Variants in ANOS1 observed in about 807,000 individuals in gnomAD.
ANOS1 encodes the protein anosmin 1, also known as anosmin-1.
Under a neutral mutation model 59.0 loss-of-function variants are expected in ANOS1, and 6 were observed. That is an observed-to-expected ratio of 0.10 (90% CI 0.06 to 0.20). The LOEUF is 0.20. Ranked by LOEUF, ANOS1 falls within the 10% of genes least tolerant of loss-of-function variation. ANOS1 has a pLI of 1.00. For missense variants in ANOS1, 433 were observed against 542.3 expected (o/e 0.80, Z 2.00); for synonymous variants, 217 against 223.4 (o/e 0.97, Z 0.25).
At chrX:8,673,592 G>A (rs1163353942) in intron 2 of ANOS1, among the ~76,000 whole-genome samples, 2 of 110,153 alleles carry the variant, frequency 1.8e-5, no homozygotes, top group Non-Finnish European at 3.8e-5. Context: ...GGGCAGCAGT[G>A]CAGTTCTGAA....
intron 2 of ANOS1, among the ~76,000 whole-genome samples, chrX:8,686,076 G>A (rs185761760): frequency 4.5e-5 from 5 of 111,939 alleles, no homozygotes; most frequent in South Asian, 3.7e-4. Flanking sequence ...CTCAGTTACA[G>A]CCATTACCTA....
intron 1 of ANOS1, among the ~76,000 whole-genome samples, chrX:8,712,423 T>C (rs1298456731): frequency 2.7e-5 from 3 of 112,284 alleles, no homozygotes; most frequent in African/African-American, 9.7e-5. Flanking sequence ...CATCAACATA[T>C]GGAGTTAGAG....
chrX:8,591,280 C>T (rs1002970411), intron 4 of ANOS1, among the ~76,000 whole-genome samples: 1 of 111,035 alleles, frequency 9.0e-6, no homozygotes, highest in African/African-American at 3.3e-5. Flanking sequence ...GGAGAGTAGC[C>T]GCAGAGAACA....
intron 6 of ANOS1, among the ~76,000 whole-genome samples, chrX:8,581,549 C>T (rs1226987031): frequency 8.9e-6 from 1 of 111,802 alleles, no homozygotes; most frequent in Non-Finnish European, 1.9e-5. Flanking sequence ...GCACTGAATT[C>T]ATAGTAGATT....
At chrX:8,663,243 C>G (rs1383437067) in intron 2 of ANOS1, among the ~76,000 whole-genome samples, 4 of 111,201 alleles carry the variant, frequency 3.6e-5, no homozygotes, top group Non-Finnish European at 7.5e-5. Flanking sequence ...ATCACAGCAG[C>G]CTGAGCAAAC....
intron 9 of ANOS1, among the ~76,000 whole-genome samples, chrX:8,540,339 C>T (rs936074690): frequency 1.8e-5 from 2 of 111,442 alleles, no homozygotes; most frequent in Non-Finnish European, 1.9e-5. Flanking sequence ...AGGATAGGGA[C>T]GTATGCTTCC....
chrX:8,539,559 T>C (rs1479838236), intron 10 of ANOS1, 105 bp downstream of exon 10: 1 of 1,146,960 alleles, frequency 8.7e-7, no homozygotes, highest in East Asian at 3.1e-5. Context: ...CATTACTCCA[T>C]AGCTGATTTG....
At chrX:8,585,188 A>G in intron 6 of ANOS1, 79 bp downstream of exon 6, 3 of 1,040,853 alleles carry the variant, frequency 2.9e-6, no homozygotes, top group South Asian at 1.9e-5. Flanking sequence ...ATATGAACAT[A>G]GAGACAGTGA....
chrX:8,710,659 T>C (rs1441332505), intron 1 of ANOS1, among the ~76,000 whole-genome samples: 1 of 112,105 alleles, frequency 8.9e-6, no homozygotes, highest in African/African-American at 3.2e-5. Flanking sequence ...GGTTACAGTG[T>C]CCCTGTAACA....
At chrX:8,649,948 T>A (rs1180342423) in intron 2 of ANOS1, among the ~76,000 whole-genome samples, 1 of 112,648 alleles carries the variant, frequency 8.9e-6, no homozygotes, top group Non-Finnish European at 1.9e-5. Context: ...TTTGCAAAAT[T>A]AACCTATTTT....
chrX:8,613,873 G>A (rs1931112024), intron 3 of ANOS1, among the ~76,000 whole-genome samples: 1 of 112,233 alleles, frequency 8.9e-6, no homozygotes. Context: ...GCTACTCAAA[G>A]GCTAGGCCTT....
At chrX:8,726,718 T>C (rs748837096) in intron 1 of ANOS1, among the ~76,000 whole-genome samples, 1 of 112,166 alleles carries the variant, frequency 8.9e-6, no homozygotes, top group African/African-American at 3.2e-5. Context: ...ACCTGTGCCA[T>C]CATGGGCAGA....
chrX:8,531,563 G>A lies in ANOS1; in HGVS notation c.*1432C>T, dbSNP rs2146783990. On this transcript the variant is annotated 3_prime_UTR_variant, in exon 14 of 14. Coordinates refer to ENST00000262648, the MANE Select transcript of ANOS1 (RefSeq NM_000216.4). ...CTTTTCTCAGAATCAGCATTGATGG[G>A]GAAAATATATTATCCTTATGACCTT... The A allele has an allele frequency of 9.0e-6, 1 of 111,382 alleles. No individual in the cohort carries two copies. Among genetic ancestry groups the A allele is most frequent in the South Asian group, 3.8e-4 (1 of 2,615 alleles). 9.2% of individuals were successfully genotyped at this position (111,382 alleles called of 1,213,427 possible).
intron 2 of ANOS1, among the ~76,000 whole-genome samples, chrX:8,654,449 G>C (rs894505587): frequency 8.9e-6 from 1 of 112,202 alleles, no homozygotes; most frequent in South Asian, 3.6e-4. Flanking sequence ...TTGACCTACT[G>C]CTAAAAATTC....
intron 2 of ANOS1, among the ~76,000 whole-genome samples, chrX:8,677,924 G>T (rs1384352347): frequency 1.8e-5 from 2 of 111,184 alleles, no homozygotes; most frequent in African/African-American, 6.5e-5. Context: ...ATAATGAGAT[G>T]AACAGATATC....
intron 8 of ANOS1, chrX:8,565,687 CAG>C (rs1173921935): frequency 8.9e-6 from 1 of 112,161 alleles, no homozygotes; most frequent in Non-Finnish European, 1.9e-5. Context: ...AGAGAAAAAA[CAG>C]AGAAAAATGA....
At chrX:8,554,170 A>G in intron 8 of ANOS1, 72 bp from the exon 9 acceptor site, 1 of 835,091 alleles carries the variant, frequency 1.2e-6, no homozygotes, top group South Asian at 2.1e-5. Flanking sequence ...ATGGCCAAAT[A>G]GGAACAGCTC....
At chrX:8,666,677 C>G (rs1932143045) in intron 2 of ANOS1, among the ~76,000 whole-genome samples, 1 of 112,239 alleles carries the variant, frequency 8.9e-6, no homozygotes, top group African/African-American at 3.2e-5. Flanking sequence ...GAAAAATGCT[C>G]CACATTCCCC....
In ANOS1 at chrX:8,604,715, T is replaced by C. The variant is rs1372304275; in HGVS notation, c.319-7459A>G. On this transcript the variant is annotated intron_variant, in intron 3 of 13. Transcript: ENST00000262648. The stretch of plus-strand genomic sequence containing the variant: ...CTCCAAACTATAATCCAGGGGTTAC[T>C]GAAAATCTGATTCTGATACATCCGT... 2.7e-5 allele frequency among the ~76,000 whole-genome samples: 3 copies of C among 112,182 alleles called. No individual in the cohort carries two copies. The East Asian group carries it at 8.5e-4, about 32-fold the overall frequency.
Sources: allele counts gnomAD v4.1 joint callset (sites outside exome capture counted in the v4.1 genomes callset), GRCh38; gene constraint gnomAD v4.1.1; transcripts MANE v1.5; gene names NCBI Gene and HGNC (gene_info 2026-07-23, HGNC 2026-07-21).